Variants in EFCAB5 observed in about 807,000 individuals in gnomAD.
The protein encoded by EFCAB5 is EF-hand calcium binding domain 5.
A neutral mutation model predicts 167.9 loss-of-function variants in EFCAB5; 131 were observed. The observed-to-expected ratio is 0.78, with a 90% CI of 0.68 to 0.90. The LOEUF (loss-of-function observed/expected upper bound fraction) is 0.90. Ranked by LOEUF, EFCAB5 falls within the 40% of genes least tolerant of loss-of-function variation. The pLI is 0.00. For missense variants in EFCAB5, 1,663 were observed against 1,745.2 expected (o/e 0.95, Z 0.84); for synonymous variants, 574 against 602.8 (o/e 0.95, Z 0.70).
chr17:30,050,646 CT>C (rs886448557), intron 8 of EFCAB5, among the ~76,000 whole-genome samples: 13 of 152,088 alleles, frequency 8.5e-5, no homozygotes, highest in Non-Finnish European at 1.9e-4. Flanking sequence ...CTATATCAGG[CT>C]TTTTAAAGCA....
rs921627828 is a variant in EFCAB5, at chr17:30,050,010, T to A, written c.1201-1108T>A. Among the ~76,000 whole-genome samples the A allele has an allele frequency of 3.9e-5, 6 of 152,298 alleles. No individual in the cohort carries two copies. The Middle Eastern group carries it at 0.01, about 259-fold the overall frequency. ...TTTTTTTAATTATGGTGTTTCCATA[T>A]TACAGAATGCCTTATTGCAGTTAAA... is the stretch of plus-strand genomic sequence containing the variant. On this transcript the variant is annotated intron_variant, in intron 8 of 22. Coordinates refer to ENST00000394835, the MANE Select transcript of EFCAB5 (RefSeq NM_198529.4).
intron 8 of EFCAB5, 92 bp downstream of exon 8, chr17:30,034,477 T>A: frequency 6.8e-7 from 1 of 1,468,870 alleles, no homozygotes. Context: ...GGCTGGTGGA[T>A]TACTTGAGCC....
intron 7 of EFCAB5, among the ~76,000 whole-genome samples, chr17:30,004,787 A>ATTTTTTTTTTTTT (rs60231360): frequency 5.2e-5 from 6 of 115,108 alleles, no homozygotes; most frequent in African/African-American, 6.9e-5. Context: ...CTCCTGGCTA[A>ATTTTTTTTTTTTT]TTTTTTTTTT....
chr17:30,077,472 T>A (rs901144289), intron 14 of EFCAB5, among the ~76,000 whole-genome samples: 3 of 152,046 alleles, frequency 2.0e-5, no homozygotes, highest in Non-Finnish European at 4.4e-5. Flanking sequence ...TAAAGCCAAA[T>A]TCAGGATATC....
chr17:29,973,579 A>G (rs2068003265), intron 4 of EFCAB5, among the ~76,000 whole-genome samples: 1 of 149,942 alleles, frequency 6.7e-6, no homozygotes, highest in East Asian at 2.0e-4. Context: ...TCTGGGTTCA[A>G]GAAATTCTCT....
intron 4 of EFCAB5, among the ~76,000 whole-genome samples, chr17:29,978,949 G>T (rs2068115394): frequency 1.3e-5 from 2 of 152,168 alleles, no homozygotes; most frequent in South Asian, 4.2e-4. Context: ...CTTCCCTGGG[G>T]CAGGGGGGAT....
intron 3 of EFCAB5, among the ~76,000 whole-genome samples, chr17:29,946,230 G>T (rs2067394065): frequency 6.6e-6 from 1 of 152,026 alleles, no homozygotes; most frequent in Non-Finnish European, 1.5e-5. Flanking sequence ...ATGTGAAAAA[G>T]TGCTGAACAT....
At chr17:29,962,632 C>CA (rs1555549656) in intron 3 of EFCAB5, among the ~76,000 whole-genome samples, 2 of 110,434 alleles carry the variant, frequency 1.8e-5, no homozygotes, top group South Asian at 3.3e-4. Flanking sequence ...CCATGCCTGG[C>CA]TTTTTTTTTT....
intron 3 of EFCAB5, among the ~76,000 whole-genome samples, chr17:29,952,178 G>C (rs755714929): frequency 6.6e-6 from 1 of 152,118 alleles, no homozygotes; most frequent in Non-Finnish European, 1.5e-5. Context: ...TGGCAGAATA[G>C]ATGGAAGGGC....
Position 29,941,694 on chromosome 17 carries a change from TGGA to T in EFCAB5, c.-101_-99del. 1 of 1,045,100 alleles carries T rather than the reference TGGA, an allele frequency of 9.6e-7. No individual in the cohort carries two copies. The highest frequency in any genetic ancestry group is 1.4e-6 in the Non-Finnish European group (1 of 713,488). The allele number at this position is 1,045,100 out of a possible 1,614,324, so 64.7% of individuals were successfully genotyped here. On this transcript the variant is annotated 5_prime_UTR_variant, in exon 1 of 23. Coordinates refer to ENST00000394835, the MANE Select transcript of EFCAB5 (RefSeq NM_198529.4). ...GGAGTGAGGGAGCTTTTTTAACTTC[TGGA>T]GTACTTTGTGATGTTTATTAATATT... is the stretch of plus-strand genomic sequence containing the variant.
At chr17:29,941,618 C>CA (rs2067298556), upstream of EFCAB5, 1 of 530,072 alleles carries the variant, frequency 1.9e-6, no homozygotes, top group Non-Finnish European at 3.3e-6. Context: ...TGGAAAAGTT[C>CA]AGCAGTTGAG....
At chr17:30,042,505 T>C (rs2069802416) in intron 8 of EFCAB5, among the ~76,000 whole-genome samples, 2 of 152,184 alleles carry the variant, frequency 1.3e-5, no homozygotes, top group South Asian at 4.1e-4. Context: ...GGAAACATTA[T>C]GAACAACTTT....
chr17:30,036,133 C>T (rs2069610147), intron 8 of EFCAB5, among the ~76,000 whole-genome samples: 1 of 139,044 alleles, frequency 7.2e-6, no homozygotes, highest in African/African-American at 2.7e-5. Context: ...ATATGAGGCA[C>T]TCTATATATA....
chr17:29,944,279 C>T (rs982488051), intron 3 of EFCAB5, among the ~76,000 whole-genome samples: 1 of 151,924 alleles, frequency 6.6e-6, no homozygotes, highest in Non-Finnish European at 1.5e-5. Context: ...GAATTTCTTG[C>T]TATGTTTCCT....
rs575668560 is a variant in EFCAB5 at position 30,094,733 on chromosome 17, A to G, written c.4321+1797A>G. Among the ~76,000 whole-genome samples the G allele has an allele frequency of 2.0e-5, 3 of 152,234 alleles. No individual in the cohort carries two copies. In the East Asian group the frequency reaches 5.8e-4, roughly 29 times the overall value. On this transcript the variant is annotated intron_variant, in intron 22 of 22. Transcript: ENST00000394835. ...ACTTTTTTTATTCTGATGAAACTCT[A>G]GGCAGCTGTGTCTTGCCTTTAGATT...
intron 7 of EFCAB5, among the ~76,000 whole-genome samples, chr17:30,017,823 GA>G (rs1224840294): frequency 6.6e-6 from 1 of 151,860 alleles, no homozygotes; most frequent in Non-Finnish European, 1.5e-5. Flanking sequence ...ATTTTATCCA[GA>G]TTTACACTAT....
intron 4 of EFCAB5, among the ~76,000 whole-genome samples, chr17:29,976,654 A>ACT (rs1268118257): frequency 1.3e-5 from 2 of 152,210 alleles, no homozygotes; most frequent in African/African-American, 4.8e-5. Context: ...AAGCCTTAGA[A>ACT]AAGTCCATTC....
intron 15 of EFCAB5, among the ~76,000 whole-genome samples, chr17:30,078,781 C>T (rs1401551372): frequency 1.3e-5 from 2 of 152,142 alleles, no homozygotes; most frequent in African/African-American, 4.8e-5. Context: ...TGCTAAGAGT[C>T]AAATAAGCCT....
At chr17:29,944,282 T>C (rs1487914025) in intron 3 of EFCAB5, among the ~76,000 whole-genome samples, 2 of 152,070 alleles carry the variant, frequency 1.3e-5, no homozygotes, top group Non-Finnish European at 2.9e-5. Context: ...TTTCTTGCTA[T>C]GTTTCCTGGG....
Sources: gnomAD v4.1 joint callset for allele counts (sites outside exome capture counted in the v4.1 genomes callset) on GRCh38, gnomAD v4.1.1 for gene constraint, MANE v1.5 for transcripts, NCBI Gene and HGNC (gene_info 2026-07-23, HGNC 2026-07-21) for gene names.